The following SLIT3 variants were observed in gnomAD, a reference collection of about 807,000 sequenced individuals.
SLIT3 encodes slit guidance ligand 3, also known as slit homolog 3 protein.
A neutral mutation model predicts 184.0 loss-of-function variants in SLIT3; 68 were observed. That is an observed-to-expected ratio of 0.37 (90% confidence interval 0.30 to 0.45). SLIT3 has a LOEUF of 0.45. SLIT3 is among the 20% of genes least tolerant of loss of function. The pLI is 1.00. For missense variants in SLIT3, 1,707 were observed against 2,026.0 expected, an observed-to-expected ratio of 0.84 and a Z score of 3.02; for synonymous variants, 831 against 828.6, an observed-to-expected ratio of 1.00 and a Z score of -0.05.
intron 4 of SLIT3, among the ~76,000 whole-genome samples, chr5:169,160,702 C>A (rs1000930731): frequency 6.6e-6 from 1 of 152,184 alleles, no homozygotes; most frequent in African/African-American, 2.4e-5. Flanking sequence ...GCATCCCCAG[C>A]GTGGGCTGGG....
chr5:168,770,550 C>G (rs931834370), intron 14 of SLIT3, among the ~76,000 whole-genome samples: 2 of 152,138 alleles, frequency 1.3e-5, no homozygotes, highest in Non-Finnish European at 2.9e-5. Flanking sequence ...AGCAGTCATG[C>G]TTTCTTTGCA....
chr5:169,099,866 G>A (rs898863147), intron 4 of SLIT3, among the ~76,000 whole-genome samples: 2 of 152,232 alleles, frequency 1.3e-5, no homozygotes, highest in Admixed American at 1.3e-4. Flanking sequence ...CATCTAAGGT[G>A]TGCCCCGAAG....
At chr5:168,779,408 G>A (rs566940731) in intron 12 of SLIT3, among the ~76,000 whole-genome samples, 22 of 152,214 alleles carry the variant, frequency 1.4e-4, no homozygotes, top group Non-Finnish European at 2.8e-4. Context: ...GCTCCCATCA[G>A]AGGAAATTAA....
At position 168,850,034 on chromosome 5, in the gene SLIT3, G is replaced by A. The variant is rs1212685178; in HGVS notation, c.486-5379C>T. ...AATCATTATTGAAGAACAAATTATAGAAGCATTTGTCTGCTGCTAGCTGGG... is the reference window on the plus strand; with the variant it reads ...AATCATTATTGAAGAACAAATTATAAAAGCATTTGTCTGCTGCTAGCTGGG... On this transcript the variant is annotated intron_variant, in intron 5 of 35. Coordinates refer to ENST00000519560, the MANE Select transcript of SLIT3 (RefSeq NM_003062.4). Among the ~76,000 whole-genome samples the A allele has an allele frequency of 2.0e-5, 3 of 151,932 alleles. No homozygotes were observed. The East Asian group carries it at 5.8e-4, about 29-fold the overall frequency.
At chr5:168,740,233 G>A (rs1329383531) in intron 20 of SLIT3, among the ~76,000 whole-genome samples, 1 of 152,156 alleles carries the variant, frequency 6.6e-6, no homozygotes, top group African/African-American at 2.4e-5. Flanking sequence ...AAGACTGAAT[G>A]TGAGAATGAG....
At chr5:169,269,569 C>T (rs778705100) in intron 1 of SLIT3, among the ~76,000 whole-genome samples, 1 of 152,242 alleles carries the variant, frequency 6.6e-6, no homozygotes, top group Non-Finnish European at 1.5e-5. Context: ...TGTCAGGAAG[C>T]TTGGCTGAGG....
At chr5:168,787,329 G>T (rs1756190516) in intron 11 of SLIT3, among the ~76,000 whole-genome samples, 1 of 152,198 alleles carries the variant, frequency 6.6e-6, no homozygotes, top group Non-Finnish European at 1.5e-5. Context: ...GCCATGCCTT[G>T]GGATAGCAGG....
chr5:168,798,172 C>T (rs1756635867), intron 9 of SLIT3, among the ~76,000 whole-genome samples: 1 of 151,636 alleles, frequency 6.6e-6, no homozygotes, highest in East Asian at 1.9e-4. Context: ...GCATCCTGCA[C>T]CCCTCACACT....
chr5:168,982,958 G>T (rs1755000901), intron 4 of SLIT3, among the ~76,000 whole-genome samples: 1 of 152,020 alleles, frequency 6.6e-6, no homozygotes, highest in African/African-American at 2.4e-5. Context: ...TTATCCCCAT[G>T]GTCCCTTGTT....
intron 30 of SLIT3, 33 bp downstream of exon 30, chr5:168,686,946 C>CT: frequency 6.2e-7 from 1 of 1,604,164 alleles, no homozygotes; most frequent in Non-Finnish European, 8.5e-7. Flanking sequence ...CTGGCCCAGG[C>CT]TGTCTCCTTC....
intron 6 of SLIT3, among the ~76,000 whole-genome samples, chr5:168,833,702 G>C (rs535499802): frequency 5.9e-5 from 9 of 152,338 alleles, no homozygotes; most frequent in African/African-American, 2.2e-4. Flanking sequence ...TGCTAATATA[G>C]GGGCAAGCAG....
chr5:169,124,182 C>T (rs1760993905), intron 4 of SLIT3, among the ~76,000 whole-genome samples: 1 of 152,176 alleles, frequency 6.6e-6, no homozygotes, highest in African/African-American at 2.4e-5. Context: ...ATTCCCAGGA[C>T]CCTCAGTTCT....
At chr5:169,261,704 G>A (rs1033008326) in intron 1 of SLIT3, among the ~76,000 whole-genome samples, 6 of 152,028 alleles carry the variant, frequency 3.9e-5, no homozygotes, top group South Asian at 4.2e-4. Context: ...GCTGAATGCC[G>A]CAGACAGATT....
chr5:169,174,878 T>C (rs897858969), intron 4 of SLIT3, among the ~76,000 whole-genome samples: 3 of 150,512 alleles, frequency 2.0e-5, no homozygotes, highest in Non-Finnish European at 4.4e-5. Context: ...GACGAATGAT[T>C]AAAAAAAAAA....
At chr5:168,749,874 GC>G (rs1301939072) in intron 18 of SLIT3, among the ~76,000 whole-genome samples, 1 of 152,134 alleles carries the variant, frequency 6.6e-6, no homozygotes, top group Admixed American at 6.5e-5. Context: ...TGTGTGAACT[GC>G]CTTTGGGTCC....
At chr5:168,670,704 A>G (rs971020178) in intron 34 of SLIT3, among the ~76,000 whole-genome samples, 3 of 152,148 alleles carry the variant, frequency 2.0e-5, no homozygotes, top group African/African-American at 7.2e-5. Context: ...CTCTGGTGTT[A>G]GTTTTGGCTG....
intron 4 of SLIT3, among the ~76,000 whole-genome samples, chr5:169,192,250 C>T (rs1763577884): frequency 6.6e-6 from 1 of 152,122 alleles, no homozygotes; most frequent in Non-Finnish European, 1.5e-5. Context: ...GCAAAGTCAG[C>T]TAGGGCGACT....
At chr5:168,780,299 C>T (rs907870718) in intron 12 of SLIT3, among the ~76,000 whole-genome samples, 3 of 152,232 alleles carry the variant, frequency 2.0e-5, no homozygotes, top group Non-Finnish European at 4.4e-5. Flanking sequence ...TGCAGTGGCC[C>T]TTCCAGGAGA....
At chr5:168,759,485 A>C (rs1755062743) in intron 16 of SLIT3, among the ~76,000 whole-genome samples, 1 of 152,222 alleles carries the variant, frequency 6.6e-6, no homozygotes, top group Admixed American at 6.5e-5. Context: ...GGATGGCTAG[A>C]CAGCCCTTCG....
Sources: gnomAD v4.1 joint callset for allele counts (sites outside exome capture counted in the v4.1 genomes callset) on GRCh38, gnomAD v4.1.1 for gene constraint, MANE v1.5 for transcripts, NCBI Gene and HGNC (gene_info 2026-07-23, HGNC 2026-07-21) for gene names.